FGD5: variants seen among roughly 807,000 people sequenced by gnomAD.
FGD5 encodes FYVE, RhoGEF and PH domain-containing protein 5.
A neutral mutation model predicts 133.4 loss-of-function variants in FGD5; 28 were observed. That is an observed-to-expected ratio of 0.21 (90% CI 0.16 to 0.29). The LOEUF is 0.29. FGD5 is among the 10% of genes least tolerant of loss of function. The pLI is 1.00. For synonymous variants in FGD5, 810 were observed against 776.5 expected, an observed-to-expected ratio of 1.04 and a Z score of -0.72; for missense variants, 1,858 against 1,895.2, an observed-to-expected ratio of 0.98 and a Z score of 0.36.
chr3:14,818,008 A>G (rs1339878463), upstream of FGD5, among the ~76,000 whole-genome samples: 2 of 152,200 alleles, frequency 1.3e-5, no homozygotes, highest in African/African-American at 2.4e-5. Flanking sequence ...CCCCTTCTCT[A>G]GATCCTTCTT....
intron 4 of FGD5, among the ~76,000 whole-genome samples, chr3:14,891,680 G>T (rs1285506301): frequency 1.3e-5 from 2 of 152,230 alleles, no homozygotes; most frequent in African/African-American, 4.8e-5. Flanking sequence ...GGCAGAGCAG[G>T]CTATCAGCAG....
At position 14,917,573 on chromosome 3, in the gene FGD5, A is replaced by G. The variant is rs2038583846; in HGVS notation, c.3489+241A>G. Among the ~76,000 whole-genome samples, 1 of 152,294 alleles carries G rather than the reference A, an allele frequency of 6.6e-6. No homozygotes were observed. The highest frequency in any genetic ancestry group is 6.5e-5 in the Admixed American group (1 of 15,308). ...TGGATAATATTTGGTCGGATCAGGA[A>G]GGAAGGGAAGGAGGGGCATCCTATG... On this transcript the variant is annotated intron_variant, in intron 12 of 19. Coordinates refer to ENST00000285046, the MANE Select transcript of FGD5 (RefSeq NM_152536.4). The surrounding 1 kb of genome is among the most constrained non-coding windows in gnomAD (Gnocchi z 4.1).
chr3:14,854,667 G>A (rs2037241627), intron 1 of FGD5, among the ~76,000 whole-genome samples: 1 of 152,084 alleles, frequency 6.6e-6, no homozygotes, highest in African/African-American at 2.4e-5. Flanking sequence ...CAATGCTCCC[G>A]CCTCAGCCTT....
At chr3:14,902,935 T>G (rs1339417163) in intron 9 of FGD5, among the ~76,000 whole-genome samples, 1 of 152,154 alleles carries the variant, frequency 6.6e-6, no homozygotes, top group Non-Finnish European at 1.5e-5. Flanking sequence ...CTTGGCTTTC[T>G]CCAAGGCTGA....
chr3:14,918,976 T>C, intron 13 of FGD5, 143 bp downstream of exon 13: 1 of 848,458 alleles, frequency 1.2e-6, no homozygotes, highest in Non-Finnish European at 1.8e-6. Context: ...ACTTTTTTTC[T>C]TTTCAGTGTT....
At chr3:14,829,427 G>C (rs2036665770) in intron 1 of FGD5, among the ~76,000 whole-genome samples, 1 of 152,146 alleles carries the variant, frequency 6.6e-6, no homozygotes, top group South Asian at 2.1e-4. Flanking sequence ...TGAAGAGATG[G>C]TTGTAGTGGT....
At chr3:14,915,346 A>T (rs1254590665) in intron 11 of FGD5, among the ~76,000 whole-genome samples, 1 of 152,222 alleles carries the variant, frequency 6.6e-6, no homozygotes, top group Non-Finnish European at 1.5e-5. Context: ...AGAAGTATTC[A>T]TTCTGACTTT....
At chr3:14,926,355 A>G (rs995853143) in intron 18 of FGD5, among the ~76,000 whole-genome samples, 157 bp downstream of exon 18, 3 of 152,364 alleles carry the variant, frequency 2.0e-5, no homozygotes, top group African/African-American at 4.8e-5. Flanking sequence ...CATGTGCTCA[A>G]TGTTGCTGTG....
chr3:14,923,338 A>C, intron 16 of FGD5, 163 bp downstream of exon 16: 1 of 965,836 alleles, frequency 1.0e-6, no homozygotes, highest in Non-Finnish European at 1.5e-6. Flanking sequence ...CCATTTTCCA[A>C]TATGTGGATT....
chr3:14,909,740 ACTTTTCTTTT>A (rs776241520), intron 10 of FGD5, among the ~76,000 whole-genome samples: 2 of 150,330 alleles, frequency 1.3e-5, no homozygotes, highest in African/African-American at 4.9e-5. Flanking sequence ...GTGATAATGC[ACTTTTCTTTT>A]CTTTTCTTTT....
At position 14,922,098 on chromosome 3, in the gene FGD5, C is replaced by T. The variant is rs2038693959; in HGVS notation, c.3669+81C>T. 1.4e-6 allele frequency: 2 copies of T among 1,380,280 alleles called. No homozygotes were observed. Among genetic ancestry groups the T allele is most frequent in the Non-Finnish European group, 2.0e-6 (2 of 995,646 alleles). 85.5% of individuals were successfully genotyped at this position (1,380,280 alleles called of 1,614,324 possible). ...GGGCGGGCATTGCTGTTGCCACTCA[C>T]ACCCAGATGGACGTGTAGCTCCTGT... On this transcript the variant is annotated intron_variant, in intron 14 of 19. Coordinates refer to ENST00000285046, the MANE Select transcript of FGD5 (RefSeq NM_152536.4). The surrounding 1 kb of genome is among the most constrained non-coding windows in gnomAD (Gnocchi z 4.1).
rs1031812309 is a variant in FGD5 at position 14,894,314 on chromosome 3, C to G, written c.2749-3195C>G. On this transcript the variant is annotated intron_variant, in intron 4 of 19. Transcript: ENST00000285046. ...TCCTTTTTTATGGCTGAATACTATT[C>G]CATTGTGTATATATTGCCACATTTT... is the stretch of plus-strand genomic sequence containing the variant. Among the ~76,000 whole-genome samples the G allele has an allele frequency of 1.4e-4, 22 of 152,072 alleles. 1 individual carries two copies. The highest frequency in any genetic ancestry group is 2.9e-5 in the Non-Finnish European group (2 of 68,008).
chr3:14,923,619 G>A (rs910169935), intron 16 of FGD5, among the ~76,000 whole-genome samples: 2 of 152,206 alleles, frequency 1.3e-5, no homozygotes, highest in Admixed American at 6.5e-5. Flanking sequence ...TGAGAGACCT[G>A]GTCAGTGCTG....
intron 1 of FGD5, among the ~76,000 whole-genome samples, chr3:14,854,233 C>G (rs557402143): frequency 2.6e-5 from 4 of 152,170 alleles, no homozygotes; most frequent in African/African-American, 7.2e-5. Context: ...GACCACCTGG[C>G]CCTTTTCCCG....
rs1325398187 is a variant in FGD5 at position 14,922,859 on chromosome 3, A to G, written c.3808-187A>G. ...GCGCGGGCTCATCAGAAAAGCAGAT[A>G]GGCGCTGGCTCAGAAACAAGATGAA... On this transcript the variant is annotated intron_variant, in intron 15 of 19. Transcript: ENST00000285046. The surrounding 1 kb of genome is among the most constrained non-coding windows in gnomAD (Gnocchi z 4.1). 6.6e-6 allele frequency among the ~76,000 whole-genome samples: 1 copy of G among 152,136 alleles called. No homozygotes were observed. The highest frequency in any genetic ancestry group is 1.5e-5 in the Non-Finnish European group (1 of 68,018).
chr3:14,878,952 C>T (rs2037774761), intron 2 of FGD5, among the ~76,000 whole-genome samples: 1 of 152,250 alleles, frequency 6.6e-6, no homozygotes, highest in Non-Finnish European at 1.5e-5. Context: ...CATGTTCCAC[C>T]CGCCTTAGCC....
chr3:14,828,506 T>A (rs571572324), intron 1 of FGD5, among the ~76,000 whole-genome samples: 1 of 152,290 alleles, frequency 6.6e-6, no homozygotes, highest in African/African-American at 2.4e-5. Flanking sequence ...GCTTGAGGAC[T>A]AAACACAAAT....
chr3:14,900,564 C>A, intron 8 of FGD5, 111 bp downstream of exon 8: 1 of 1,278,552 alleles, frequency 7.8e-7, no homozygotes, highest in Non-Finnish European at 1.1e-6. Context: ...CCCTCCCCAC[C>A]AGCTGGGTGG....
rs574448424 is a variant in FGD5 at position 14,908,772 on chromosome 3, C to T, written c.3336+1061C>T. Reference sequence around the variant, plus strand: ...GTGGTGGCCTGTAGTCCCAGCTACTCGGGAGGCTGAGGCAGGATAATCGCT... The same window carrying T: ...GTGGTGGCCTGTAGTCCCAGCTACTTGGGAGGCTGAGGCAGGATAATCGCT... On this transcript the variant is annotated intron_variant, in intron 10 of 19. Transcript: ENST00000285046. Among the ~76,000 whole-genome samples the T allele has an allele frequency of 8.4e-4, 127 of 150,722 alleles. 1 individual carries two copies. In the South Asian group the frequency reaches 0.016, roughly 19 times the overall value.
Sources: gnomAD v4.1 joint callset for allele counts (sites outside exome capture counted in the v4.1 genomes callset) on GRCh38, gnomAD v4.1.1 for gene constraint, Gnocchi (gnomAD v3.1) non-coding constraint, MANE v1.5 for transcripts, NCBI Gene and HGNC (gene_info 2026-07-23, HGNC 2026-07-21) for gene names.